The following CFAP61 variants were observed in gnomAD, a reference collection of about 807,000 sequenced individuals.
CFAP61 encodes cilia- and flagella-associated protein 61.
Under a neutral mutation model 135.6 loss-of-function variants are expected in CFAP61, and 107 were observed. That is an observed-to-expected ratio of 0.79 (90% confidence interval 0.67 to 0.93). CFAP61 has a LOEUF of 0.93. Among genes scored for constraint, CFAP61 ranks in the 40% least tolerant of loss-of-function variants. The pLI is 0.00. For synonymous variants in CFAP61, 575 were observed against 578.5 expected (o/e 0.99, Z 0.09); for missense variants, 1,507 against 1,556.2 (o/e 0.97, Z 0.53).
At chr20:20,175,044 G>GACTTACAAACA (rs2054509898) in intron 13 of CFAP61, among the ~76,000 whole-genome samples, 1 of 152,154 alleles carries the variant, frequency 6.6e-6, no homozygotes. Flanking sequence ...CAACAGCCAG[G>GACTTACAAACA]GTCCTTTGTA....
chr20:20,128,410 A>G (rs1366746816), intron 8 of CFAP61, among the ~76,000 whole-genome samples: 1 of 151,564 alleles, frequency 6.6e-6, no homozygotes, highest in Non-Finnish European at 1.5e-5. Flanking sequence ...AAATTGACTC[A>G]GCTCCAGGTA....
At chr20:20,091,878 A>G (rs936658201) in intron 7 of CFAP61, among the ~76,000 whole-genome samples, 2 of 152,136 alleles carry the variant, frequency 1.3e-5, no homozygotes, top group African/African-American at 4.8e-5. Flanking sequence ...GGGTTTCACC[A>G]TGTTGGCCAG....
chr20:20,342,872 T>G (rs2058496056), intron 26 of CFAP61, among the ~76,000 whole-genome samples: 1 of 151,938 alleles, frequency 6.6e-6, no homozygotes, highest in Non-Finnish European at 1.5e-5. Flanking sequence ...GTTTTTGTTT[T>G]TTTTTTGAGA....
chr20:20,292,984 T>C (rs2055109781), intron 24 of CFAP61, among the ~76,000 whole-genome samples: 1 of 151,772 alleles, frequency 6.6e-6, no homozygotes. Context: ...GTGTGTGGGA[T>C]AGGGACACTG....
At chr20:20,170,779 G>T (rs1200781762) in intron 13 of CFAP61, among the ~76,000 whole-genome samples, 1 of 152,138 alleles carries the variant, frequency 6.6e-6, no homozygotes, top group African/African-American at 2.4e-5. Context: ...TTATGATGAC[G>T]ACTTGAAGAA....
intron 25 of CFAP61, among the ~76,000 whole-genome samples, chr20:20,300,895 C>T (rs959598857): frequency 2.6e-5 from 4 of 152,014 alleles, no homozygotes; most frequent in African/African-American, 9.7e-5. Context: ...CATGAGCCAC[C>T]GTGCCTGGCC....
rs200154850 is a variant in CFAP61 at position 20,337,537 on chromosome 20, G to T, written c.3423-4294G>T. Among the ~76,000 whole-genome samples, 215 of 53,336 alleles carry T rather than the reference G, an allele frequency of 4.0e-3. 1 individual carries two copies. Among genetic ancestry groups the T allele is most frequent in the South Asian group, 0.01 (11 of 1,074 alleles). 35.0% of individuals were successfully genotyped at this position (53,336 alleles called of 152,430 possible). ...GGATGGATGGATGGATGGATAGATG[G>T]GTGGGTGGATGGATGGATGGATGGA... On this transcript the variant is annotated intron_variant, in intron 25 of 26. Coordinates refer to ENST00000245957, the MANE Select transcript of CFAP61 (RefSeq NM_015585.4).
chr20:20,101,735 C>T (rs1402738838), intron 8 of CFAP61, among the ~76,000 whole-genome samples: 2 of 152,082 alleles, frequency 1.3e-5, no homozygotes, highest in East Asian at 1.9e-4. Context: ...AGGTGAGTCT[C>T]CTGCCTCAGC....
chr20:20,059,918 C>A (rs2044670055), intron 2 of CFAP61, among the ~76,000 whole-genome samples: 1 of 152,052 alleles, frequency 6.6e-6, no homozygotes. Context: ...GAGAGAATGG[C>A]TGAGAGTTTT....
chr20:20,269,136 T>TACACACACACACACACACACACACAC (rs1329227544), intron 21 of CFAP61, among the ~76,000 whole-genome samples: 7 of 81,234 alleles, frequency 8.6e-5, no homozygotes, highest in African/African-American at 3.0e-4. Flanking sequence ...TATATATATA[T>TACACACACACACACACACACACACAC]ATATATATAT....
At chr20:20,306,279 A>G (rs2056470915) in intron 25 of CFAP61, among the ~76,000 whole-genome samples, 1 of 152,238 alleles carries the variant, frequency 6.6e-6, no homozygotes, top group Non-Finnish European at 1.5e-5. Flanking sequence ...GTTCAGAGAA[A>G]TGAACACATG....
intron 25 of CFAP61, among the ~76,000 whole-genome samples, chr20:20,300,183 A>G (rs1379070641): frequency 1.3e-5 from 2 of 152,222 alleles, no homozygotes; most frequent in Non-Finnish European, 2.9e-5. Flanking sequence ...AGTTATGTCC[A>G]GTGCAGAACA....
At position 20,304,294 on chromosome 20, in the gene CFAP61, G is replaced by GTGTGTGTGTA. The variant is rs34232787; in HGVS notation, c.3422+5917_3422+5918insATGTGTGTGT. Among the ~76,000 whole-genome samples, 3 of 149,752 alleles carry GTGTGTGTGTA rather than the reference G, an allele frequency of 2.0e-5. No homozygotes were observed. In the East Asian group the frequency reaches 5.9e-4, roughly 29 times the overall value. On this transcript the variant is annotated intron_variant, in intron 25 of 26. Transcript: ENST00000245957. ...TGACTGTGTGTGTGTGTGTGTGTGT[G>GTGTGTGTGTA]TGTGTGTGTGAGAGAGAGAGAGAGA...
At chr20:20,136,894 T>G (rs1413295582) in intron 8 of CFAP61, among the ~76,000 whole-genome samples, 1 of 152,234 alleles carries the variant, frequency 6.6e-6, no homozygotes, top group Non-Finnish European at 1.5e-5. Flanking sequence ...TGGGAAGGCT[T>G]TCCAGGTATT....
intron 8 of CFAP61, among the ~76,000 whole-genome samples, chr20:20,109,222 A>C (rs2048624318): frequency 6.6e-6 from 1 of 152,166 alleles, no homozygotes. Context: ...CACTTGACTA[A>C]AGTGACTCTT....
chr20:20,146,869 G>A (rs961560959), intron 9 of CFAP61, among the ~76,000 whole-genome samples: 1 of 152,128 alleles, frequency 6.6e-6, no homozygotes, highest in Non-Finnish European at 1.5e-5. Context: ...CCTGTGCAGT[G>A]TACACTGTAC....
intron 1 of CFAP61, 101 bp downstream of exon 1, chr20:20,052,692 A>G (rs1206103145): frequency 6.2e-7 from 1 of 1,612,726 alleles, no homozygotes. Context: ...TGACCAGGCG[A>G]GGACGAGTGG....
At chr20:20,075,058 T>G (rs2045957697) in intron 4 of CFAP61, 131 bp from the exon 5 acceptor site, 1 of 790,784 alleles carries the variant, frequency 1.3e-6, no homozygotes, top group Admixed American at 2.0e-5. Context: ...CCATTGCAGG[T>G]GGGGAGCAAA....
chr20:20,061,826 C>T (rs909556899), intron 2 of CFAP61, among the ~76,000 whole-genome samples: 1 of 152,122 alleles, frequency 6.6e-6, no homozygotes, highest in Non-Finnish European at 1.5e-5. Flanking sequence ...CTGTCCTGGT[C>T]CCAGGCCCAA....
Sources: gnomAD v4.1 joint callset for allele counts (sites outside exome capture counted in the v4.1 genomes callset) on GRCh38, gnomAD v4.1.1 for gene constraint, MANE v1.5 for transcripts, NCBI Gene and HGNC (gene_info 2026-07-23, HGNC 2026-07-21) for gene names.